PCDHA8: variants seen among roughly 807,000 people sequenced by gnomAD.
PCDHA8 encodes protocadherin alpha 8, also known as protocadherin alpha-8.
In PCDHA8, 53 loss-of-function variants were observed where a neutral mutation model predicts 61.8. That is an observed-to-expected ratio of 0.86 (90% CI 0.69 to 1.08). The LOEUF is 1.08. PCDHA8 is among the 50% of genes least tolerant of loss of function. The pLI, the probability that PCDHA8 is intolerant of heterozygous loss-of-function variation, is 0.00. For missense variants in PCDHA8, 1,293 were observed against 1,245.0 expected, an observed-to-expected ratio of 1.04 and a Z score of -0.58; for synonymous variants, 618 against 556.6, an observed-to-expected ratio of 1.11 and a Z score of -1.55.
At chr5:140,946,077 C>T (rs246055) in intron 1 of PCDHA8, among the ~76,000 whole-genome samples, 85,716 of 151,878 alleles carry the variant, frequency 0.56, 24,786 homozygotes, top group African/African-American at 0.69. Context: ...TTGCAAACCA[C>T]AGATCTGATA....
rs2150361691 is a variant in PCDHA8 at position 140,843,517 on chromosome 5, C to CCGGG, written c.2202_2205dup (p.Lys736GlyfsTer28). 2 of 1,595,932 alleles carry CCGGG rather than the reference C, an allele frequency of 1.3e-6. No individual in the cohort carries two copies. Among genetic ancestry groups the CCGGG allele is most frequent in the African/African-American group, 2.7e-5 (2 of 74,508 alleles). On this transcript the variant is annotated frameshift_variant, in exon 1 of 4. Coordinates refer to ENST00000531613, the MANE Select transcript of PCDHA8 (RefSeq NM_018911.3). LOFTEE classifies it high-confidence loss of function. ...CAGCACTGCCCACTGAGGGCGGGTGCCGGGCGGGCAAGCCCACTCTGGTGT... is the reference window on the plus strand; with the variant it reads ...CAGCACTGCCCACTGAGGGCGGGTGCCGGGCGGGCGGGCAAGCCCACTCTGGTGT...
At chr5:140,926,330 G>T (rs1269020840) in intron 1 of PCDHA8, 1 of 152,266 alleles carries the variant, frequency 6.6e-6, no homozygotes, top group East Asian at 1.9e-4. Flanking sequence ...CGGGGTCAGA[G>T]CGCCGGGACC....
chr5:140,864,489 A>C (rs1194272327), intron 1 of PCDHA8: 1 of 152,184 alleles, frequency 6.6e-6, no homozygotes, highest in Admixed American at 6.5e-5. Flanking sequence ...CAGTGGGTGG[A>C]ATTTTAGCCT....
intron 3 of PCDHA8, among the ~76,000 whole-genome samples, chr5:141,004,088 T>G (rs797038928): frequency 3.4e-4 from 52 of 152,346 alleles, no homozygotes; most frequent in African/African-American, 1.2e-3. Flanking sequence ...GAAATGTGCT[T>G]CTTCCGTTTT....
At chr5:140,943,501 T>C (rs1235998322) in intron 1 of PCDHA8, among the ~76,000 whole-genome samples, 1 of 152,088 alleles carries the variant, frequency 6.6e-6, no homozygotes, top group Non-Finnish European at 1.5e-5. Flanking sequence ...GCTATCAAGG[T>C]TCATGGAAAT....
intron 1 of PCDHA8, among the ~76,000 whole-genome samples, chr5:140,941,595 A>G (rs1273931279): frequency 6.6e-6 from 1 of 152,016 alleles, no homozygotes; most frequent in Non-Finnish European, 1.5e-5. Context: ...GATTACAGCC[A>G]TGAGCCATGG....
chr5:140,970,157 C>T (rs2096386547), intron 1 of PCDHA8, among the ~76,000 whole-genome samples: 2 of 152,176 alleles, frequency 1.3e-5, no homozygotes, highest in African/African-American at 4.8e-5. Context: ...TCCCAATAGT[C>T]ACCTTTCTTG....
At chr5:141,009,529 T>G in intron 3 of PCDHA8, 98 bp from the exon 4 acceptor site, 1 of 1,505,630 alleles carries the variant, frequency 6.6e-7, no homozygotes, top group Non-Finnish European at 8.9e-7. Context: ...TCTGGGGAGG[T>G]TCAGCCTGCC....
At chr5:140,923,343 T>G (rs1251719779) in intron 1 of PCDHA8, among the ~76,000 whole-genome samples, 1 of 152,122 alleles carries the variant, frequency 6.6e-6, no homozygotes, top group African/African-American at 2.4e-5. Flanking sequence ...TTGGGCAACA[T>G]AGTGGGACCC....
intron 1 of PCDHA8, chr5:140,869,555 G>C (rs2051240207): frequency 6.2e-7 from 1 of 1,614,054 alleles, no homozygotes; most frequent in Non-Finnish European, 8.5e-7. Flanking sequence ...TCGGACTCGC[G>C]TTTTCCACTA....
At chr5:140,888,938 G>T (rs947628683) in intron 1 of PCDHA8, among the ~76,000 whole-genome samples, 1 of 151,864 alleles carries the variant, frequency 6.6e-6, no homozygotes, top group Admixed American at 6.6e-5. Flanking sequence ...TTTGAGGGAG[G>T]TATAAATTTT....
chr5:140,987,004 A>G (rs2097221558), intron 3 of PCDHA8, among the ~76,000 whole-genome samples: 2 of 152,242 alleles, frequency 1.3e-5, no homozygotes, highest in Non-Finnish European at 2.9e-5. Flanking sequence ...ACTTGAGGTC[A>G]TGAGTTCGAG....
rs1554262420 is a variant in PCDHA8, at chr5:141,009,791, C to G, written c.2707C>G (p.Pro903Ala). ...TGCAATCATCTCCATCCGGCAGGAG[C>G]CTACTAACAGCCAAATTGACAAAAG... ...SPAIISIRQE[P>A]TNSQIDKSDF... The change falls in exon 4 of 4, where the codon CCT becomes GCT. Residue 903 changes from proline (P) to alanine (A), a missense_variant. Pro to Ala is a conservative substitution (Grantham distance 27). Transcript: ENST00000531613. 1 of 1,614,084 alleles carries G rather than the reference C, an allele frequency of 6.2e-7. No individual in the cohort carries two copies. Among genetic ancestry groups the G allele is most frequent in the Admixed American group, 1.7e-5 (1 of 60,016 alleles).
intron 1 of PCDHA8, chr5:140,858,285 G>A (rs782182754): frequency 1.3e-6 from 2 of 1,597,520 alleles, no homozygotes; most frequent in Non-Finnish European, 8.6e-7. Flanking sequence ...GTGGGGAGCT[G>A]GTCTTACTCG....
At chr5:140,846,379 T>C (rs1554141291) in intron 1 of PCDHA8, among the ~76,000 whole-genome samples, 2 of 135,592 alleles carry the variant, frequency 1.5e-5, no homozygotes, top group South Asian at 2.3e-4. Context: ...CTTTCTTTTT[T>C]TTTTTTTTTT....
At chr5:140,917,587 C>T (rs2078270380) in intron 1 of PCDHA8, among the ~76,000 whole-genome samples, 1 of 152,164 alleles carries the variant, frequency 6.6e-6, no homozygotes, top group Non-Finnish European at 1.5e-5. Context: ...TTTGTTCATG[C>T]TGAAAGGAAG....
intron 1 of PCDHA8, chr5:140,968,939 A>G: frequency 6.2e-7 from 1 of 1,614,164 alleles, no homozygotes; most frequent in South Asian, 1.1e-5. Flanking sequence ...GACAATCATC[A>G]TTTTGAGCAT....
At chr5:140,891,400 G>A (rs1220760247) in intron 1 of PCDHA8, among the ~76,000 whole-genome samples, 1 of 150,966 alleles carries the variant, frequency 6.6e-6, no homozygotes, top group Non-Finnish European at 1.5e-5. Flanking sequence ...TTTATCCCTC[G>A]CCACCCCCCA....
At chr5:140,995,267 C>T (rs552857413) in intron 3 of PCDHA8, among the ~76,000 whole-genome samples, 1 of 152,192 alleles carries the variant, frequency 6.6e-6, no homozygotes, top group Non-Finnish European at 1.5e-5. Context: ...GAATACAAGC[C>T]CTTTGATACC....
Sources: gnomAD v4.1 joint callset for allele counts (sites outside exome capture counted in the v4.1 genomes callset) on GRCh38, gnomAD v4.1.1 for gene constraint, MANE v1.5 for transcripts, NCBI Gene and HGNC (gene_info 2026-07-23, HGNC 2026-07-21) for gene names.